The following CNGB1 variants were observed in gnomAD, a reference collection of about 807,000 sequenced individuals.
The protein encoded by CNGB1 is cyclic nucleotide-gated channel beta-1.
CNGB1 carries 126 observed loss-of-function variants against 151.7 expected under a neutral mutation model. The observed-to-expected ratio is 0.83, with a 90% confidence interval of 0.72 to 0.96. The LOEUF is 0.96. Among genes scored for constraint, CNGB1 ranks in the 40% least tolerant of loss-of-function variants. The pLI, the probability that CNGB1 is intolerant of heterozygous loss-of-function variation, is 0.00. For missense variants in CNGB1, 1,698 were observed against 1,627.0 expected (o/e 1.04, Z -0.75); for synonymous variants, 623 against 635.1 (o/e 0.98, Z 0.29).
chr16:57,928,139 C>A (rs1482374647), intron 17 of CNGB1, among the ~76,000 whole-genome samples: 1 of 152,372 alleles, frequency 6.6e-6, no homozygotes, highest in East Asian at 1.9e-4. Context: ...CTGTCCTGCC[C>A]TTGGCAGTTT....
Position 57,962,924 on chromosome 16 carries a change from C to T in CNGB1, c.381+50G>A, listed in dbSNP as rs749893885. The T allele has an allele frequency of 2.5e-6, 4 of 1,612,146 alleles. No individual in the cohort carries two copies. In the South Asian group the frequency reaches 3.3e-5, roughly 13 times the overall value. ...GGCAGGGAGCCCAAGGGCAGCCTCC[C>T]CACAGCCCCTCTCCAACCCGGCCCC... On this transcript the variant is annotated intron_variant, in intron 5 of 32. Transcript: ENST00000251102.
chr16:57,943,226 C>A (rs1961715907), intron 14 of CNGB1, among the ~76,000 whole-genome samples: 1 of 152,142 alleles, frequency 6.6e-6, no homozygotes, highest in Non-Finnish European at 1.5e-5. Flanking sequence ...GGCAAAGAAT[C>A]TGAATAGACA....
intron 17 of CNGB1, among the ~76,000 whole-genome samples, chr16:57,928,941 C>A (rs766883478): frequency 7.2e-5 from 11 of 152,118 alleles, no homozygotes; most frequent in Middle Eastern, 6.3e-3. Flanking sequence ...GCCCAGCCCA[C>A]ATTATATTGT....
At chr16:57,966,788 T>G (rs902426021) in intron 2 of CNGB1, among the ~76,000 whole-genome samples, 3 of 152,334 alleles carry the variant, frequency 2.0e-5, no homozygotes, top group East Asian at 1.9e-4. Flanking sequence ...TAAATAAAAT[T>G]TTATTGGAAC....
intron 12 of CNGB1, among the ~76,000 whole-genome samples, chr16:57,956,104 C>G (rs1034242938): frequency 6.6e-6 from 1 of 152,328 alleles, no homozygotes; most frequent in African/African-American, 2.4e-5. Flanking sequence ...AATCCTGCCT[C>G]CTTCCAGAGG....
In CNGB1 at chr16:57,911,792, A is replaced by G. The variant is rs1960721902; in HGVS notation, c.2453T>C (p.Leu818Pro). ...LYYWASAYQG[L>P]GSTHWVYDGV... Reference sequence around the variant, plus strand: ...ATCGTAAACCCAGTGAGTGGAGCCGAGGCCCTGATAGGCCGATGCCCAGTA... The same window carrying G: ...ATCGTAAACCCAGTGAGTGGAGCCGGGGCCCTGATAGGCCGATGCCCAGTA... The change falls in exon 25 of 33, where the codon CTC becomes CCC. Residue 818 changes from leucine to proline, a missense_variant. Coordinates refer to ENST00000251102, the MANE Select transcript of CNGB1 (RefSeq NM_001297.5). The G allele has an allele frequency of 6.2e-7, 1 of 1,614,124 alleles. No homozygotes were observed. The highest frequency in any genetic ancestry group is 8.5e-7 in the Non-Finnish European group (1 of 1,179,982).
intron 17 of CNGB1, among the ~76,000 whole-genome samples, chr16:57,925,295 G>A (rs181768585): frequency 3.1e-4 from 47 of 151,866 alleles, no homozygotes; most frequent in African/African-American, 1.0e-3. Flanking sequence ...GAGCCACCAC[G>A]CCCGGCCTCT....
intron 12 of CNGB1, among the ~76,000 whole-genome samples, chr16:57,956,007 T>C (rs967419545): frequency 1.3e-5 from 2 of 152,156 alleles, no homozygotes; most frequent in African/African-American, 4.8e-5. Context: ...CCTGTCCCCA[T>C]GAGCCTGCCC....
chr16:57,968,606 ACTAATTGTGT>A (rs11276711), intron 1 of CNGB1, among the ~76,000 whole-genome samples: 71,015 of 151,736 alleles, frequency 0.47, 17,102 homozygotes, highest in Non-Finnish European at 0.54. Flanking sequence ...AAATGAAAAC[ACTAATTGTGT>A]AATATGCATG....
At chr16:57,919,927 G>A (rs1960980975) in intron 19 of CNGB1, among the ~76,000 whole-genome samples, 1 of 152,190 alleles carries the variant, frequency 6.6e-6, no homozygotes, top group Non-Finnish European at 1.5e-5. Flanking sequence ...TCCCTGACAA[G>A]AGATCATGTG....
At position 57,897,913 on chromosome 16, in the gene CNGB1, C is replaced by A. The variant is rs121918532; in HGVS notation, c.2978G>T (p.Gly993Val). 1 of 1,614,168 alleles carries A rather than the reference C, an allele frequency of 6.2e-7. No individual in the cohort carries two copies. Reference sequence around the variant, plus strand: ...GATGTACATCTCACGGCCGATCTCCCCCTGAAACAAAGAAGTGACAAGTCC... The same window carrying A: ...GATGTACATCTCACGGCCGATCTCCACCTGAAACAAAGAAGTGACAAGTCC... ...YLPNDYVCKKGEIGREMYIIQ... is the reference protein window; with the variant it reads ...YLPNDYVCKKVEIGREMYIIQ... The change falls in exon 30 of 33, where the codon GGG (glycine) becomes GTG (valine). Residue 993 changes from glycine (G) to valine (V), a missense_variant and splice_region_variant. By Grantham distance (109) the Gly-to-Val change is moderately radical. Coordinates refer to ENST00000251102, the MANE Select transcript of CNGB1 (RefSeq NM_001297.5).
intron 25 of CNGB1, among the ~76,000 whole-genome samples, chr16:57,905,480 C>T (rs1490752811): frequency 2.6e-5 from 4 of 152,222 alleles, no homozygotes; most frequent in African/African-American, 4.8e-5. Flanking sequence ...AACCCTCTGA[C>T]GTCGGCTTGT....
chr16:57,955,158 T>A, intron 12 of CNGB1: 3 of 1,486,350 alleles, frequency 2.0e-6, no homozygotes, highest in Admixed American at 2.1e-5. Flanking sequence ...GCTCTGGGGC[T>A]GGTGCAGGTG....
At chr16:57,959,820 G>C in intron 10 of CNGB1, 68 bp downstream of exon 10, 2 of 1,414,460 alleles carry the variant, frequency 1.4e-6, no homozygotes, top group Non-Finnish European at 1.9e-6. Flanking sequence ...CAGGAGGTTG[G>C]GTGTTAGGCG....
intron 12 of CNGB1, among the ~76,000 whole-genome samples, chr16:57,957,033 A>G (rs1248313284): frequency 6.6e-6 from 1 of 152,192 alleles, no homozygotes; most frequent in Non-Finnish European, 1.5e-5. Flanking sequence ...CATTACCAGC[A>G]GGAAGGAGAG....
intron 20 of CNGB1, among the ~76,000 whole-genome samples, chr16:57,917,737 G>T (rs1960916207): frequency 6.6e-6 from 1 of 151,412 alleles, no homozygotes; most frequent in African/African-American, 2.4e-5. Flanking sequence ...CTAGGTGGGA[G>T]GATTGCTTGA....
intron 29 of CNGB1, among the ~76,000 whole-genome samples, chr16:57,898,357 C>A (rs1444236759): frequency 6.6e-6 from 1 of 151,616 alleles, no homozygotes; most frequent in Non-Finnish European, 1.5e-5. Flanking sequence ...GGAATGGGAA[C>A]AACAATAACG....
Position 57,967,166 on chromosome 16 carries a change from G to A in CNGB1, c.121C>T (p.Pro41Ser). The A allele has an allele frequency of 6.2e-7, 1 of 1,614,178 alleles. No individual in the cohort carries two copies. The highest frequency in any genetic ancestry group is 8.5e-7 in the Non-Finnish European group (1 of 1,180,044). The change falls in exon 2 of 33, where the codon CCG (proline) becomes TCG (serine). Residue 41 changes from proline (P) to serine (S), a missense_variant. Transcript: ENST00000251102. ...TCTGTCTCGGCCTCCTCAGGATTCG[G>A]TTCTGGTTCCACCTCCGCCTCCATC... ...PEMEAEVEPE[P>S]NPEEAETESE...
intron 14 of CNGB1, among the ~76,000 whole-genome samples, chr16:57,947,247 T>C (rs1051057098): frequency 6.6e-6 from 1 of 152,206 alleles, no homozygotes; most frequent in African/African-American, 2.4e-5. Flanking sequence ...GTGAGCATAG[T>C]TGATCACTGG....
Sources: gnomAD v4.1 joint callset for allele counts (sites outside exome capture counted in the v4.1 genomes callset) on GRCh38, gnomAD v4.1.1 for gene constraint, MANE v1.5 for transcripts, NCBI Gene and HGNC (gene_info 2026-07-23, HGNC 2026-07-21) for gene names.